The following LAMA2 variants were observed in gnomAD, a reference collection of about 807,000 sequenced individuals.
The protein encoded by LAMA2 is laminin subunit alpha-2.
Under a neutral mutation model 364.8 loss-of-function variants are expected in LAMA2, and 269 were observed. The ratio of observed to expected loss-of-function variants is 0.74; its 90% confidence interval spans 0.67 to 0.82. The LOEUF (loss-of-function observed/expected upper bound fraction) is 0.82. Ranked by LOEUF, LAMA2 falls within the 40% of genes least tolerant of loss-of-function variation. The pLI, the probability that LAMA2 is intolerant of heterozygous loss-of-function variation, is 0.00. For synonymous variants in LAMA2, 1,379 were observed against 1,370.6 expected (o/e 1.01, Z -0.14); for missense variants, 3,807 against 3,873.2 (o/e 0.98, Z 0.45).
chr6:128,951,125 C>T (rs1780789256), intron 1 of LAMA2, among the ~76,000 whole-genome samples: 1 of 152,218 alleles, frequency 6.6e-6, no homozygotes, highest in Middle Eastern at 3.4e-3. Context: ...CTATGATGGT[C>T]ATTTTCATGG....
chr6:129,413,723 G>C (rs982608834), intron 40 of LAMA2, among the ~76,000 whole-genome samples: 15 of 152,156 alleles, frequency 9.9e-5, no homozygotes, highest in African/African-American at 3.6e-4. Context: ...TAACAGAATG[G>C]AAATAAAATT....
intron 34 of LAMA2, among the ~76,000 whole-genome samples, chr6:129,380,807 G>A (rs556618340): frequency 1.3e-5 from 2 of 152,274 alleles, no homozygotes; most frequent in South Asian, 2.1e-4. Context: ...CATGGAGTTT[G>A]TAGGATTCTT....
intron 30 of LAMA2, among the ~76,000 whole-genome samples, chr6:129,342,975 C>G (rs1275818212): frequency 1.3e-5 from 2 of 152,020 alleles, no homozygotes; most frequent in African/African-American, 4.8e-5. Context: ...TGTCATCTCC[C>G]GGAATCACAG....
intron 50 of LAMA2, 142 bp from the exon 51 acceptor site, chr6:129,465,003 A>G (rs1291144667): frequency 6.9e-6 from 5 of 729,870 alleles, no homozygotes; most frequent in South Asian, 1.6e-5. Context: ...CACCAATTCT[A>G]TTTTCAAAAT....
chr6:129,012,916 CT>C (rs562434832), intron 1 of LAMA2, among the ~76,000 whole-genome samples: 38 of 152,250 alleles, frequency 2.5e-4, no homozygotes, highest in Middle Eastern at 3.4e-3. Flanking sequence ...TGTAATGTCT[CT>C]TTCCCCTCTT....
intron 4 of LAMA2, among the ~76,000 whole-genome samples, chr6:129,137,832 C>T (rs1320706636): frequency 1.3e-5 from 2 of 151,500 alleles, no homozygotes; most frequent in African/African-American, 4.9e-5. Flanking sequence ...TGAGGGTTTA[C>T]AATAAATAAG....
chr6:129,006,179 G>T (rs1784434323), intron 1 of LAMA2, among the ~76,000 whole-genome samples: 1 of 152,058 alleles, frequency 6.6e-6, no homozygotes, highest in Non-Finnish European at 1.5e-5. Context: ...TCACAGGCTA[G>T]GATCAGCTTA....
intron 18 of LAMA2, among the ~76,000 whole-genome samples, chr6:129,282,496 T>C (rs1331220441): frequency 6.6e-6 from 1 of 152,134 alleles, no homozygotes; most frequent in Non-Finnish European, 1.5e-5. Context: ...AAAGTTCTAT[T>C]AAGCTTACCT....
chr6:129,287,735 A>G, intron 18 of LAMA2, 112 bp from the exon 19 acceptor site: 1 of 923,088 alleles, frequency 1.1e-6, no homozygotes, highest in Non-Finnish European at 1.8e-6. Flanking sequence ...GAGAAAAGGA[A>G]CACTTAAAAG....
chr6:128,956,021 A>G (rs747415664), intron 1 of LAMA2, among the ~76,000 whole-genome samples: 2 of 151,954 alleles, frequency 1.3e-5, no homozygotes, highest in Non-Finnish European at 2.9e-5. Flanking sequence ...TAATTCTTAC[A>G]TTATCATAAA....
intron 12 of LAMA2, among the ~76,000 whole-genome samples, chr6:129,213,166 A>G (rs1783205049): frequency 6.6e-6 from 1 of 152,184 alleles, no homozygotes; most frequent in Admixed American, 6.5e-5. Flanking sequence ...ACTTAGCAAT[A>G]TGCCTGTAAG....
intron 1 of LAMA2, among the ~76,000 whole-genome samples, chr6:128,889,908 G>T (rs1008766235): frequency 4.6e-5 from 7 of 152,164 alleles, no homozygotes; most frequent in African/African-American, 1.7e-4. Flanking sequence ...ATTTACAAAA[G>T]ATCATTGAGG....
intron 28 of LAMA2, among the ~76,000 whole-genome samples, chr6:129,325,254 G>A (rs1434417864): frequency 1.3e-5 from 2 of 152,112 alleles, no homozygotes; most frequent in African/African-American, 2.4e-5. Context: ...TCAACAGTGG[G>A]GAAGAGAACT....
Position 129,383,227 on chromosome 6 carries a change from G to A in LAMA2, c.5065G>A (p.Ala1689Thr), listed in dbSNP as rs1164814846. 3 of 1,608,662 alleles carry A rather than the reference G, an allele frequency of 1.9e-6. No individual in the cohort carries two copies. The highest frequency in any genetic ancestry group is 2.2e-5 in the East Asian group (1 of 44,844). ...ATTCATTAAGGAGCTTGCCCGGGAT[G>A]CAGAAGGTATTAGAAAGAATCACAT... ...GEFIKELARDAEAVNEKAIKL... is the reference protein window; with the variant it reads ...GEFIKELARDTEAVNEKAIKL... Residue 1689 changes from alanine to threonine, a missense_variant, in exon 35 of 65, where the codon GCA (alanine) becomes ACA (threonine). Physicochemically the swap from Ala to Thr is moderately conservative, Grantham distance 58. Around this residue, in one of 3 missense-constraint regions of LAMA2, gnomAD observed 3,333 missense variants for 3,345.7 expected, o/e 1.00. Coordinates refer to ENST00000421865, the MANE Select transcript of LAMA2 (RefSeq NM_000426.4).
intron 22 of LAMA2, among the ~76,000 whole-genome samples, chr6:129,308,674 A>T (rs534622633): frequency 6.6e-6 from 1 of 152,210 alleles, no homozygotes; most frequent in Admixed American, 6.5e-5. Context: ...GTATCAGACA[A>T]TTCTTGCATT....
chr6:129,493,005 A>T lies in LAMA2; in HGVS notation c.8244+522A>T, dbSNP rs184666962. 2.6e-5 allele frequency among the ~76,000 whole-genome samples: 4 copies of T among 152,174 alleles called. No homozygotes were observed. In the East Asian group the frequency reaches 7.7e-4, roughly 29 times the overall value. On this transcript the variant is annotated intron_variant, in intron 58 of 64. Coordinates refer to ENST00000421865, the MANE Select transcript of LAMA2 (RefSeq NM_000426.4). ...CCCCGTCTCTTCTAAAATACAAAAA[A>T]ATAGCCTGGCATGGCGGTGTGCACC...
At chr6:128,984,102 C>A (rs115883816) in intron 1 of LAMA2, among the ~76,000 whole-genome samples, 302 of 152,298 alleles carry the variant, frequency 2.0e-3, no homozygotes, top group African/African-American at 7.0e-3. Context: ...CTACTACCTA[C>A]CTTTCGCAGT....
intron 40 of LAMA2, among the ~76,000 whole-genome samples, chr6:129,405,741 G>A (rs144965115): frequency 1.2e-4 from 18 of 152,188 alleles, no homozygotes; most frequent in African/African-American, 4.1e-4. Context: ...GTTCTACTTT[G>A]CTGGAAAAGA....
At chr6:129,475,907 C>T (rs1247842939) in intron 53 of LAMA2, among the ~76,000 whole-genome samples, 1 of 152,118 alleles carries the variant, frequency 6.6e-6, no homozygotes, top group Non-Finnish European at 1.5e-5. Context: ...AGCCTTTGCA[C>T]CTCTTGTCAA....
Sources: allele counts gnomAD v4.1 joint callset (sites outside exome capture counted in the v4.1 genomes callset), GRCh38; gene constraint gnomAD v4.1.1; regional missense constraint gnomAD v4.1.1; transcripts MANE v1.5; gene names NCBI Gene and HGNC (gene_info 2026-07-23, HGNC 2026-07-21).